MTHFD2L: variants seen among roughly 807,000 people sequenced by gnomAD.
MTHFD2L encodes methylenetetrahydrofolate dehydrogenase (NADP+ dependent) 2 like.
MTHFD2L carries 29 observed loss-of-function variants against 34.9 expected under a neutral mutation model. The observed-to-expected ratio is 0.83, with a 90% CI of 0.62 to 1.13. The LOEUF (loss-of-function observed/expected upper bound fraction) is 1.13. Among genes scored for constraint, MTHFD2L ranks in the 50% most tolerant of loss-of-function variants. MTHFD2L has a pLI of 0.00. For synonymous variants in MTHFD2L, 167 were observed against 155.7 expected (o/e 1.07, Z -0.54); for missense variants, 481 against 446.5 (o/e 1.08, Z -0.70).
chr4:74,285,169 A>G (rs1190264124), intron 7 of MTHFD2L, among the ~76,000 whole-genome samples: 2 of 151,818 alleles, frequency 1.3e-5, no homozygotes, highest in African/African-American at 4.8e-5. Context: ...GAAGGGAAAC[A>G]TCACACACCG....
chr4:74,192,700 A>G (rs2110026955), intron 3 of MTHFD2L, among the ~76,000 whole-genome samples: 1 of 152,164 alleles, frequency 6.6e-6, no homozygotes, highest in Non-Finnish European at 1.5e-5. Context: ...TTTTTTTCGT[A>G]TACATATTCC....
Position 74,225,325 on chromosome 4 carries a change from C to G in MTHFD2L, c.736C>G (p.His246Asp). Residue 246 changes from histidine to aspartate, a missense_variant, in exon 6 of 8, where the codon CAC becomes GAC. His to Asp is a moderately conservative substitution (Grantham distance 81). Transcript: ENST00000325278. Reference sequence around the variant, plus strand: ...AGGTGATGCAACTGTGACAATAGCTCACAGATACACCCCCAAAGAGCAACT... The same window carrying G: ...AGGTGATGCAACTGTGACAATAGCTGACAGATACACCCCCAAAGAGCAACT... Reference protein sequence around the residue: ...PGGDATVTIAHRYTPKEQLKI... With the variant: ...PGGDATVTIADRYTPKEQLKI... 1 of 1,612,934 alleles carries G rather than the reference C, an allele frequency of 6.2e-7. No homozygotes were observed. Among genetic ancestry groups the G allele is most frequent in the Non-Finnish European group, 8.5e-7 (1 of 1,179,252 alleles).
intron 6 of MTHFD2L, among the ~76,000 whole-genome samples, chr4:74,259,026 G>A (rs1329032823): frequency 1.3e-5 from 2 of 152,160 alleles, no homozygotes; most frequent in African/African-American, 4.8e-5. Context: ...CTAAATCTCT[G>A]TAAGAGAAAT....
intron 6 of MTHFD2L, among the ~76,000 whole-genome samples, chr4:74,276,433 A>G (rs1213626164): frequency 6.6e-6 from 1 of 152,134 alleles, no homozygotes; most frequent in Non-Finnish European, 1.5e-5. Context: ...ATGTATAAAA[A>G]TTAAGGATTG....
At chr4:74,239,034 A>G (rs1303743435) in intron 6 of MTHFD2L, among the ~76,000 whole-genome samples, 1 of 152,236 alleles carries the variant, frequency 6.6e-6, no homozygotes, top group Non-Finnish European at 1.5e-5. Context: ...ACACATGCAC[A>G]TGTATGTTCA....
chr4:74,166,796 G>T (rs1161071527), intron 1 of MTHFD2L, among the ~76,000 whole-genome samples: 2 of 152,188 alleles, frequency 1.3e-5, no homozygotes, highest in Non-Finnish European at 2.9e-5. Flanking sequence ...GACCCACACT[G>T]TAAGCCTGCC....
intron 7 of MTHFD2L, among the ~76,000 whole-genome samples, chr4:74,286,214 C>T (rs1307054571): frequency 2.0e-5 from 3 of 152,144 alleles, no homozygotes; most frequent in Admixed American, 6.5e-5. Flanking sequence ...TAACTTATGT[C>T]ATTAAAAGAA....
At chr4:74,128,710 T>G (rs1227290512) in intron 1 of MTHFD2L, among the ~76,000 whole-genome samples, 1 of 152,122 alleles carries the variant, frequency 6.6e-6, no homozygotes, top group African/African-American at 2.4e-5. Flanking sequence ...AATTTTTTAG[T>G]GTGTGGTTCT....
chr4:74,155,770 C>T (rs1724198821), upstream of MTHFD2L, among the ~76,000 whole-genome samples: 1 of 151,736 alleles, frequency 6.6e-6, no homozygotes, highest in Non-Finnish European at 1.5e-5. Context: ...CCTTTATTGT[C>T]TGAGAAATGC....
upstream of MTHFD2L, chr4:74,157,913 G>T (rs1037847621): frequency 5.6e-6 from 4 of 719,894 alleles, no homozygotes; most frequent in East Asian, 2.8e-5. Flanking sequence ...CAGAGGGCCC[G>T]GGACTTGGGT....
intron 1 of MTHFD2L, among the ~76,000 whole-genome samples, chr4:74,164,210 A>G (rs1726146627): frequency 6.6e-6 from 1 of 152,230 alleles, no homozygotes; most frequent in African/African-American, 2.4e-5. Context: ...AAAATGGTTC[A>G]TTGCAGCTCT....
chr4:74,265,405 A>G (rs1182388340), intron 6 of MTHFD2L, among the ~76,000 whole-genome samples: 1 of 152,188 alleles, frequency 6.6e-6, no homozygotes, highest in Non-Finnish European at 1.5e-5. Flanking sequence ...GGTAAGTGGA[A>G]ACGTGCAAGA....
intron 1 of MTHFD2L, among the ~76,000 whole-genome samples, chr4:74,149,513 T>C (rs955339590): frequency 1.3e-5 from 2 of 152,226 alleles, no homozygotes; most frequent in African/African-American, 4.8e-5. Context: ...CTCAATATCA[T>C]ATGTTAAACT....
At position 74,270,168 on chromosome 4, in the gene MTHFD2L, TTTA is replaced by T. The variant is rs572789764; in HGVS notation, c.806-11240_806-11238del. On this transcript the variant is annotated intron_variant, in intron 6 of 7. Coordinates refer to ENST00000325278, the MANE Select transcript of MTHFD2L (RefSeq NM_001144978.3). ...CCAAAATTCATTTTATTTTTTTCTT[TTTA>T]TTATTATTATTATTATACTTTAACT... Among the ~76,000 whole-genome samples, 6 of 151,626 alleles carry T rather than the reference TTTA, an allele frequency of 4.0e-5. No homozygotes were observed. In the South Asian group the frequency reaches 8.3e-4, roughly 21 times the overall value.
At chr4:74,159,570 T>C (rs948230774) in intron 1 of MTHFD2L, among the ~76,000 whole-genome samples, 16 of 152,178 alleles carry the variant, frequency 1.1e-4, no homozygotes, top group Non-Finnish European at 1.6e-4. Context: ...CAACTCCATC[T>C]CCCCATCTTC....
At chr4:74,271,050 A>C (rs1578674012) in intron 6 of MTHFD2L, among the ~76,000 whole-genome samples, 3 of 152,078 alleles carry the variant, frequency 2.0e-5, no homozygotes, top group African/African-American at 4.8e-5. Flanking sequence ...TGTCTGAGTT[A>C]TTTGTAGATT....
upstream of MTHFD2L, among the ~76,000 whole-genome samples, chr4:74,153,147 T>C (rs749414765): frequency 1.9e-4 from 29 of 152,238 alleles, no homozygotes; most frequent in Admixed American, 1.8e-3. Context: ...AAGCTATGCA[T>C]CTGTCTGTCA....
chr4:74,116,850 A>C (rs1721662825), intron 2 of MTHFD2L, among the ~76,000 whole-genome samples: 1 of 152,254 alleles, frequency 6.6e-6, no homozygotes, highest in South Asian at 2.1e-4. Flanking sequence ...TGCACTAGGC[A>C]TATAGATACC....
At chr4:74,254,836 G>A (rs34497618) in intron 6 of MTHFD2L, among the ~76,000 whole-genome samples, 149,343 of 152,178 alleles carry the variant, frequency 0.98, 73,314 homozygotes, top group Middle Eastern at 1. Flanking sequence ...GTAATTAGCT[G>A]CAAGAATTAG....
Sources: allele counts gnomAD v4.1 joint callset (sites outside exome capture counted in the v4.1 genomes callset), GRCh38; gene constraint gnomAD v4.1.1; transcripts MANE v1.5; gene names NCBI Gene and HGNC (gene_info 2026-07-23, HGNC 2026-07-21).